Variants in TMF1 observed in about 807,000 individuals in gnomAD.
TMF1 encodes the protein TATA element modulatory factor 1.
Under a neutral mutation model 126.5 loss-of-function variants are expected in TMF1, and 71 were observed. The ratio of observed to expected loss-of-function variants is 0.56; its 90% CI spans 0.46 to 0.68. The LOEUF (loss-of-function observed/expected upper bound fraction) is 0.68. Among genes scored for constraint, TMF1 ranks in the 30% least tolerant of loss-of-function variants. The pLI, the probability that TMF1 is intolerant of heterozygous loss-of-function variation, is 0.00. For synonymous variants in TMF1, 461 were observed against 430.5 expected (o/e 1.07, Z -0.88); for missense variants, 1,259 against 1,253.2 (o/e 1.00, Z -0.07).
intron 4 of TMF1, 33 bp downstream of exon 4, chr3:69,043,717 A>G: frequency 6.4e-7 from 1 of 1,565,524 alleles, no homozygotes; most frequent in South Asian, 1.2e-5. Flanking sequence ...ATCTCTATAG[A>G]GTTTAATTAA....
intron 2 of TMF1, among the ~76,000 whole-genome samples, chr3:69,046,693 A>G (rs2091897748): frequency 6.6e-6 from 1 of 152,172 alleles, no homozygotes; most frequent in South Asian, 2.1e-4. Flanking sequence ...TTCCTTTCAC[A>G]TGTATTAGGT....
intron 1 of TMF1, among the ~76,000 whole-genome samples, chr3:69,051,588 A>C (rs939720308): frequency 1.3e-4 from 20 of 152,158 alleles, no homozygotes; most frequent in Admixed American, 1.3e-3. Flanking sequence ...GGATCCCAAC[A>C]GTGCCCGAGA....
intron 5 of TMF1, among the ~76,000 whole-genome samples, chr3:69,040,109 A>T (rs2091855366): frequency 6.6e-6 from 1 of 152,210 alleles, no homozygotes; most frequent in Admixed American, 6.5e-5. Flanking sequence ...TCTCATCATG[A>T]AGAAAGTAAC....
Position 69,022,200 on chromosome 3 carries a change from T to C in TMF1, c.*977A>G, listed in dbSNP as rs571329468. ...AAATGATAAATCACAAAATTAAAAA[T>C]GCCAAATTCAAGTTAATTCCTATAA... On this transcript the variant is annotated 3_prime_UTR_variant, in exon 17 of 17. Transcript: ENST00000398559. The C allele has an allele frequency of 2.0e-5, 3 of 152,630 alleles. No individual in the cohort carries two copies. Among genetic ancestry groups the C allele is most frequent in the Admixed American group, 6.5e-5 (1 of 15,302 alleles). 9.5% of individuals were successfully genotyped at this position (152,630 alleles called of 1,614,324 possible).
At chr3:69,051,451 G>T (rs1447742930) in intron 1 of TMF1, among the ~76,000 whole-genome samples, 3 of 152,144 alleles carry the variant, frequency 2.0e-5, no homozygotes, top group Non-Finnish European at 2.9e-5. Context: ...CTCCAGCCTG[G>T]GCGACGGAGT....
At chr3:69,032,786 T>C (rs1452708484) in intron 10 of TMF1, among the ~76,000 whole-genome samples, 4 of 152,104 alleles carry the variant, frequency 2.6e-5, no homozygotes, top group Non-Finnish European at 5.9e-5. Context: ...ATTTTTGTAT[T>C]TTTGGTAGAG....
At chr3:69,027,871 C>A in intron 13 of TMF1, 29 bp downstream of exon 13, 1 of 1,267,304 alleles carries the variant, frequency 7.9e-7, no homozygotes, top group South Asian at 1.3e-5. Context: ...ATGGTTACAC[C>A]ACAAACAAAC....
At position 69,047,509 on chromosome 3, in the gene TMF1, C is replaced by G; in HGVS notation, c.1196G>C (p.Ser399Thr). 1 of 1,614,220 alleles carries G rather than the reference C, an allele frequency of 6.2e-7. No individual in the cohort carries two copies. Among genetic ancestry groups the G allele is most frequent in the Non-Finnish European group, 8.5e-7 (1 of 1,180,038 alleles). ...EEAEMEESGR[S>T]ATPVNCEQPD... ...CTGTTCACAGTTAACAGGAGTTGCA[C>G]TTCGTCCACTTTCTTCCATTTCTGC... Residue 399 changes from serine to threonine, a missense_variant, in exon 2 of 17, where the codon AGT (serine) becomes ACT (threonine). Physicochemically the swap from Ser to Thr is moderately conservative, Grantham distance 58 (BLOSUM62 1). Transcript: ENST00000398559.
At chr3:69,037,232 C>T (rs1320584854) in intron 8 of TMF1, among the ~76,000 whole-genome samples, 2 of 152,180 alleles carry the variant, frequency 1.3e-5, no homozygotes, top group African/African-American at 2.4e-5. Context: ...TAGTGGCTCA[C>T]GCCTGTAATC....
chr3:69,051,995 T>G lies in TMF1; in HGVS notation c.92A>C (p.Gln31Pro), dbSNP rs2091933666. The change falls in exon 1 of 17, where the codon CAG becomes CCG. Residue 31 changes from glutamine to proline, a missense_variant. Physicochemically the swap from Gln to Pro is moderately conservative, Grantham distance 76 (BLOSUM62 -1). Transcript: ENST00000398559. ...QKSIDRVLDI[Q>P]EEEPSIWAET... ...GGCCCAGATGCTCGGCTCCTCTTCC[T>G]GGATGTCCAGAACCCTGTCAATAGA... 6.2e-7 allele frequency: 1 copy of G among 1,614,006 alleles called. No homozygotes were observed. The highest frequency in any genetic ancestry group is 8.5e-7 in the Non-Finnish European group (1 of 1,179,970).
Position 69,051,846 on chromosome 3 carries a change from T to C in TMF1, c.142+99A>G, listed in dbSNP as rs551280376. 4.4e-6 allele frequency: 6 copies of C among 1,372,430 alleles called. No homozygotes were observed. The East Asian group carries it at 1.5e-4, about 35-fold the overall frequency. 85.0% of individuals were successfully genotyped at this position (1,372,430 alleles called of 1,614,324 possible). ...GGGAGAAATTACTTCCTGAAAACTC[T>C]CTCAGCAAGGAAGGACCCCTCTCTA... On this transcript the variant is annotated intron_variant, in intron 1 of 16. Coordinates refer to ENST00000398559, the MANE Select transcript of TMF1 (RefSeq NM_007114.3).
intron 8 of TMF1, 95 bp from the exon 9 acceptor site, chr3:69,035,210 C>T (rs2091825577): frequency 1.2e-5 from 12 of 990,688 alleles, no homozygotes; most frequent in East Asian, 4.8e-5. Flanking sequence ...CAACATTGTT[C>T]ATGTATACTA....
intron 11 of TMF1, among the ~76,000 whole-genome samples, chr3:69,029,264 C>T (rs909319974): frequency 1.3e-5 from 2 of 151,598 alleles, no homozygotes; most frequent in Non-Finnish European, 2.9e-5. Context: ...GAACTCCTAA[C>T]CTCAGGTGAT....
In TMF1 at chr3:69,047,644, G is replaced by A. The variant is rs1301129671; in HGVS notation, c.1061C>T (p.Ala354Val). The A allele has an allele frequency of 1.2e-6, 2 of 1,614,082 alleles. No homozygotes were observed. Among genetic ancestry groups the A allele is most frequent in the Non-Finnish European group, 8.5e-7 (1 of 1,179,996 alleles). Residue 354 changes from alanine to valine, a missense_variant, in exon 2 of 17, where the codon GCT (alanine) becomes GTT (valine). Transcript: ENST00000398559. ...SDDELSGKGYALVPIIVNSST... is the reference protein window; with the variant it reads ...SDDELSGKGYVLVPIIVNSST... ...AGAATTAACTATAATAGGCACTAAA[G>A]CATATCCCTTGCCTGACAATTCATC...
At chr3:69,036,760 G>C (rs1340664677) in intron 8 of TMF1, among the ~76,000 whole-genome samples, 4 of 152,142 alleles carry the variant, frequency 2.6e-5, no homozygotes, top group Non-Finnish European at 4.4e-5. Context: ...TCAACAACTG[G>C]TCCTGCAACA....
rs972611840 is a variant in TMF1, at chr3:69,021,718, T to G, written c.*1459A>C. The G allele has an allele frequency of 6.6e-6, 1 of 151,810 alleles. No homozygotes were observed. The highest frequency in any genetic ancestry group is 1.5e-5 in the Non-Finnish European group (1 of 67,944). The allele number at this position is 151,810 out of a possible 1,614,324, so 9.4% of individuals were successfully genotyped here. ...TTTTTTGAGACGGAGTCTTTCTCTG[T>G]CACCCATGCTGGAGTGCAGTGGCAC... is the stretch of plus-strand genomic sequence containing the variant. On this transcript the variant is annotated 3_prime_UTR_variant, in exon 17 of 17. Transcript: ENST00000398559.
At chr3:69,026,291 TCTTA>T in intron 13 of TMF1, among the ~76,000 whole-genome samples, 194 bp from the exon 14 acceptor site, 1 of 152,256 alleles carries the variant, frequency 6.6e-6, no homozygotes, top group Non-Finnish European at 1.5e-5. Flanking sequence ...TAAAATGGCT[TCTTA>T]AGTCAAAAAT....
At chr3:69,024,008 A>C in intron 16 of TMF1, 47 bp downstream of exon 16, 1 of 1,527,252 alleles carries the variant, frequency 6.5e-7, no homozygotes, top group Non-Finnish European at 8.8e-7. Flanking sequence ...ATTTAAAGTA[A>C]ATGAACTAAA....
intron 11 of TMF1, among the ~76,000 whole-genome samples, 162 bp from the exon 12 acceptor site, chr3:69,028,457 C>G (rs535535780): frequency 6.6e-6 from 1 of 152,354 alleles, no homozygotes; most frequent in East Asian, 1.9e-4. Flanking sequence ...CAGATCCCAT[C>G]TGAGTTTCAC....
Sources: gnomAD v4.1 joint callset for allele counts (sites outside exome capture counted in the v4.1 genomes callset) on GRCh38, gnomAD v4.1.1 for gene constraint, MANE v1.5 for transcripts, NCBI Gene and HGNC (gene_info 2026-07-23, HGNC 2026-07-21) for gene names.